CPNE4: variants seen among roughly 807,000 people sequenced by gnomAD.
CPNE4 encodes copine-4.
A neutral mutation model predicts 67.9 loss-of-function variants in CPNE4; 25 were observed. That is an observed-to-expected ratio of 0.37 (90% CI 0.27 to 0.51). CPNE4 has a LOEUF of 0.51. Among genes scored for constraint, CPNE4 ranks in the 20% least tolerant of loss-of-function variants. CPNE4 has a pLI of 0.93. For synonymous variants in CPNE4, 242 were observed against 244.9 expected (o/e 0.99, Z 0.11); for missense variants, 464 against 690.8 (o/e 0.67, Z 3.68).
At chr3:131,914,588 C>T (rs1225667109) in intron 1 of CPNE4, among the ~76,000 whole-genome samples, 2 of 152,142 alleles carry the variant, frequency 1.3e-5, no homozygotes, top group Admixed American at 1.3e-4. Flanking sequence ...AGTACAAACA[C>T]TGACTTCCCA....
chr3:131,955,436 T>G (rs2071932809), intron 1 of CPNE4, among the ~76,000 whole-genome samples: 1 of 140,474 alleles, frequency 7.1e-6, no homozygotes, highest in Non-Finnish European at 1.5e-5. Context: ...TTTTTTTTTG[T>G]ATGCTTTCTA....
At chr3:131,686,110 G>C (rs2080882153) in intron 5 of CPNE4, 152 bp from the exon 6 acceptor site, 1 of 586,076 alleles carries the variant, frequency 1.7e-6, no homozygotes, top group South Asian at 2.1e-5. Flanking sequence ...TTCCTGCCCA[G>C]TTCTACTCAA....
chr3:131,669,654 T>G (rs770479426), intron 7 of CPNE4, 21 bp downstream of exon 7: 21 of 1,564,408 alleles, frequency 1.3e-5, no homozygotes, highest in Non-Finnish European at 1.7e-5. Context: ...AAATCACATT[T>G]CTTGGACACA....
chr3:131,995,962 C>T (rs1366386846), intron 1 of CPNE4, among the ~76,000 whole-genome samples: 1 of 152,188 alleles, frequency 6.6e-6, no homozygotes, highest in East Asian at 1.9e-4. Flanking sequence ...ATCACTATCA[C>T]ATGCATCACA....
At chr3:131,701,811 G>C (rs1583045988) in intron 3 of CPNE4, among the ~76,000 whole-genome samples, 1 of 152,142 alleles carries the variant, frequency 6.6e-6, no homozygotes, top group East Asian at 1.9e-4. Flanking sequence ...CAGAAAAGCT[G>C]TACCCTGATT....
At chr3:131,828,277 T>C (rs544070012) in intron 2 of CPNE4, among the ~76,000 whole-genome samples, 1 of 152,314 alleles carries the variant, frequency 6.6e-6, no homozygotes, top group East Asian at 1.9e-4. Flanking sequence ...ATCTAATCAA[T>C]ACTATAATCA....
At chr3:131,907,266 G>A (rs1223890780) in intron 1 of CPNE4, among the ~76,000 whole-genome samples, 1 of 152,148 alleles carries the variant, frequency 6.6e-6, no homozygotes, top group Non-Finnish European at 1.5e-5. Context: ...CTGTTTCTTT[G>A]TAGATTCATT....
At chr3:131,791,297 T>C (rs1254915812) in intron 2 of CPNE4, among the ~76,000 whole-genome samples, 1 of 152,186 alleles carries the variant, frequency 6.6e-6, no homozygotes, top group Non-Finnish European at 1.5e-5. Context: ...ACTCTTTTTT[T>C]TGCACTTTTT....
intron 1 of CPNE4, among the ~76,000 whole-genome samples, chr3:131,921,909 A>C (rs2070748213): frequency 6.6e-6 from 1 of 152,168 alleles, no homozygotes. Context: ...AATATTTATC[A>C]AGCAGGCTCT....
chr3:131,662,186 G>A (rs529460059), intron 7 of CPNE4, among the ~76,000 whole-genome samples: 14 of 152,284 alleles, frequency 9.2e-5, no homozygotes, highest in Non-Finnish European at 1.6e-4. Context: ...CATGAGGCTG[G>A]GAATAAAGGG....
chr3:131,973,417 T>C (rs2072554938), intron 1 of CPNE4, among the ~76,000 whole-genome samples: 1 of 152,208 alleles, frequency 6.6e-6, no homozygotes, highest in Admixed American at 6.5e-5. Flanking sequence ...TATGTGATGA[T>C]GATGATATCT....
intron 10 of CPNE4, among the ~76,000 whole-genome samples, chr3:131,567,976 C>T (rs752651965): frequency 1.3e-5 from 2 of 151,870 alleles, no homozygotes; most frequent in Non-Finnish European, 2.9e-5. Context: ...TGGCAATGGC[C>T]CCTACGTCTA....
intron 6 of CPNE4, among the ~76,000 whole-genome samples, 160 bp downstream of exon 6, chr3:131,685,715 C>T (rs113696084): frequency 8.6e-5 from 13 of 151,966 alleles, no homozygotes; most frequent in South Asian, 2.1e-4. Context: ...TGGGAGGTGG[C>T]GGTTGCAGTG....
chr3:131,546,572 A>G (rs1359409113), intron 14 of CPNE4, among the ~76,000 whole-genome samples: 3 of 152,176 alleles, frequency 2.0e-5, no homozygotes, highest in East Asian at 1.9e-4. Flanking sequence ...CTTGGTCTAT[A>G]GGGGTAATTT....
chr3:131,864,424 T>C (rs1353519951), intron 2 of CPNE4, among the ~76,000 whole-genome samples: 3 of 152,188 alleles, frequency 2.0e-5, no homozygotes, highest in Non-Finnish European at 2.9e-5. Flanking sequence ...TCCTTCATGT[T>C]CCTTGTAAGT....
At chr3:131,610,219 G>T (rs1429830061) in intron 7 of CPNE4, among the ~76,000 whole-genome samples, 1 of 152,032 alleles carries the variant, frequency 6.6e-6, no homozygotes, top group African/African-American at 2.4e-5. Context: ...CCATCACAAA[G>T]CCTATAATCT....
At chr3:131,794,843 G>A (rs1421881550) in intron 2 of CPNE4, among the ~76,000 whole-genome samples, 2 of 152,156 alleles carry the variant, frequency 1.3e-5, no homozygotes, top group Non-Finnish European at 1.5e-5. Context: ...CTATAAAAGT[G>A]TGCCTGGATG....
At chr3:131,980,277 C>T (rs976488425) in intron 1 of CPNE4, among the ~76,000 whole-genome samples, 1 of 152,074 alleles carries the variant, frequency 6.6e-6, no homozygotes, top group African/African-American at 2.4e-5. Context: ...TCTATTAGTC[C>T]CCCAAATATG....
chr3:131,815,587 TGTAA>T (rs1560381380), intron 2 of CPNE4, among the ~76,000 whole-genome samples: 4 of 152,156 alleles, frequency 2.6e-5, no homozygotes, highest in African/African-American at 4.8e-5. Flanking sequence ...TATATATATA[TGTAA>T]GTAAGTCCAA....
Sources: gnomAD v4.1 joint callset for allele counts (sites outside exome capture counted in the v4.1 genomes callset) on GRCh38, gnomAD v4.1.1 for gene constraint, MANE v1.5 for transcripts, NCBI Gene and HGNC (gene_info 2026-07-23, HGNC 2026-07-21) for gene names.